The following TNRC6A variants were observed in gnomAD, a reference collection of about 807,000 sequenced individuals.
TNRC6A encodes trinucleotide repeat-containing gene 6A protein.
In TNRC6A, 44 loss-of-function variants were observed where a neutral mutation model predicts 221.2. That is an observed-to-expected ratio of 0.20 (90% confidence interval 0.16 to 0.26). TNRC6A has a LOEUF of 0.26. TNRC6A is among the 10% of genes least tolerant of loss of function. The pLI, the probability that TNRC6A is intolerant of heterozygous loss-of-function variation, is 1.00. For synonymous variants in TNRC6A, 847 were observed against 838.5 expected (o/e 1.01, Z -0.18); for missense variants, 2,199 against 2,404.4 (o/e 0.91, Z 1.79).
intron 2 of TNRC6A, among the ~76,000 whole-genome samples, chr16:24,746,979 C>A (rs1331108863): frequency 6.6e-6 from 1 of 152,158 alleles, no homozygotes; most frequent in Non-Finnish European, 1.5e-5. Context: ...GCCACCATAC[C>A]CGGCCAGAAA....
intron 15 of TNRC6A, 139 bp downstream of exon 15, chr16:24,805,872 G>T (rs141652603): frequency 4.3e-6 from 5 of 1,168,344 alleles, no homozygotes; most frequent in Middle Eastern, 4.5e-4. Flanking sequence ...AGTCTATCGG[G>T]GGAGACAGAT....
intron 2 of TNRC6A, chr16:24,663,443 C>A (rs1596621736): frequency 6.4e-6 from 1 of 155,626 alleles, no homozygotes; most frequent in South Asian, 2.0e-4. Flanking sequence ...GTAATCCCAG[C>A]TCCTTGGGAG....
intron 18 of TNRC6A, among the ~76,000 whole-genome samples, chr16:24,812,182 G>A (rs2058560543): frequency 6.6e-6 from 1 of 151,634 alleles, no homozygotes; most frequent in Non-Finnish European, 1.5e-5. Flanking sequence ...CCTGAGTATA[G>A]CTGGGATTAC....
At chr16:24,818,313 G>C (rs1233143618) in intron 20 of TNRC6A, among the ~76,000 whole-genome samples, 1 of 152,158 alleles carries the variant, frequency 6.6e-6, no homozygotes, top group African/African-American at 2.4e-5. Context: ...TGCTGTCTTG[G>C]TGGCTGGACC....
In TNRC6A at chr16:24,791,366, A is replaced by G. The variant is rs2058096349; in HGVS notation, c.2724A>G (p.Ser908=). The G allele has an allele frequency of 6.3e-7, 1 of 1,592,628 alleles. No homozygotes were observed. Among genetic ancestry groups the G allele is most frequent in the East Asian group, 2.2e-5 (1 of 44,798 alleles). Residue 908 remains serine (S), a synonymous_variant, in exon 6 of 25, where the codon TCA becomes TCG. Coordinates refer to ENST00000395799, the MANE Select transcript of TNRC6A (RefSeq NM_014494.4). ...WGNNINPNNS[S]GWDESSKPTP... ...ACAACATAAATCCAAATAATTCATC[A>G]GGATGGGATGAATCTTCTAAACCTA...
intron 1 of TNRC6A, among the ~76,000 whole-genome samples, chr16:24,634,576 T>A (rs1268406262): frequency 1.3e-5 from 2 of 152,322 alleles, no homozygotes; most frequent in South Asian, 2.1e-4. Flanking sequence ...AGTATTAATA[T>A]ACCACAGGTA....
At chr16:24,620,429 C>T (rs1900607594) in intron 1 of TNRC6A, among the ~76,000 whole-genome samples, 2 of 152,098 alleles carry the variant, frequency 1.3e-5, no homozygotes, top group Admixed American at 1.3e-4. Context: ...TATGGAATGC[C>T]TTATATACCA....
In TNRC6A at chr16:24,822,728, A is replaced by C. The variant is rs984688087; in HGVS notation, c.5374-146A>C. ...GGGGAAGATGGCTCTGCACCCCGTC[A>C]GAGCAACGTCAGAGTGTCAGTGAAG... On this transcript the variant is annotated intron_variant, in intron 23 of 24. Coordinates refer to ENST00000395799, the MANE Select transcript of TNRC6A (RefSeq NM_014494.4). 2.3e-5 allele frequency: 27 copies of C among 1,161,082 alleles called. 1 individual carries two copies. The Admixed American group carries it at 6.2e-4, about 27-fold the overall frequency. The allele number at this position is 1,161,082 out of a possible 1,614,324, so 71.9% of individuals were successfully genotyped here.
chr16:24,635,437 C>A (rs571299086), intron 1 of TNRC6A, among the ~76,000 whole-genome samples: 2 of 152,066 alleles, frequency 1.3e-5, no homozygotes, highest in African/African-American at 4.8e-5. Context: ...AGCCCACCAC[C>A]ACGCCCAGCT....
chr16:24,806,319 G>T (rs777139798), intron 16 of TNRC6A, 36 bp downstream of exon 16: 1 of 1,609,582 alleles, frequency 6.2e-7, no homozygotes, highest in Non-Finnish European at 8.5e-7. Flanking sequence ...TGCTGTCTTT[G>T]TGTTAATAAA....
intron 4 of TNRC6A, among the ~76,000 whole-genome samples, chr16:24,770,175 G>A (rs998570530): frequency 1.3e-5 from 2 of 152,184 alleles, no homozygotes; most frequent in Non-Finnish European, 2.9e-5. Context: ...AAGAAATAGC[G>A]TGAAAGAACG....
intron 5 of TNRC6A, among the ~76,000 whole-genome samples, chr16:24,782,459 A>G (rs1345536889): frequency 1.3e-5 from 2 of 152,224 alleles, no homozygotes; most frequent in African/African-American, 4.8e-5. Flanking sequence ...AGAGTTAAAT[A>G]GTTTTCACAG....
chr16:24,804,462 C>T (rs929612124), intron 12 of TNRC6A, 143 bp downstream of exon 12: 8 of 1,161,018 alleles, frequency 6.9e-6, no homozygotes, highest in African/African-American at 3.2e-5. Flanking sequence ...TTGAAGTTCA[C>T]TGTCTTTTTA....
chr16:24,696,347 CAAAAAAAA>C (rs56696667), intron 2 of TNRC6A, among the ~76,000 whole-genome samples: 5 of 125,624 alleles, frequency 4.0e-5, no homozygotes, highest in African/African-American at 5.9e-5. Context: ...GACTCCATCT[CAAAAAAAA>C]AAAAAAAAAA....
chr16:24,700,281 G>C (rs2055945296), intron 2 of TNRC6A, among the ~76,000 whole-genome samples: 1 of 151,858 alleles, frequency 6.6e-6, no homozygotes, highest in South Asian at 2.1e-4. Context: ...TGTTGCCCAG[G>C]CTGGAGTGCA....
At chr16:24,794,164 T>C (rs2058170905) in intron 7 of TNRC6A, among the ~76,000 whole-genome samples, 1 of 152,224 alleles carries the variant, frequency 6.6e-6, no homozygotes, top group Non-Finnish European at 1.5e-5. Context: ...CTTTGAATAC[T>C]CTCTGGCCAT....
intron 2 of TNRC6A, among the ~76,000 whole-genome samples, chr16:24,677,162 T>C (rs896241414): frequency 4.1e-5 from 6 of 148,048 alleles, no homozygotes; most frequent in Non-Finnish European, 7.6e-5. Flanking sequence ...TCCTTTTTTT[T>C]TCTTTTTTTT....
intron 2 of TNRC6A, among the ~76,000 whole-genome samples, chr16:24,700,159 CTG>C (rs1197501276): frequency 6.6e-6 from 1 of 152,104 alleles, no homozygotes; most frequent in Non-Finnish European, 1.5e-5. Flanking sequence ...CTTTGGGAAA[CTG>C]AGACGGGAGG....
intron 2 of TNRC6A, among the ~76,000 whole-genome samples, chr16:24,679,443 A>G (rs1233678645): frequency 6.6e-6 from 1 of 152,000 alleles, no homozygotes; most frequent in Non-Finnish European, 1.5e-5. Flanking sequence ...AGCTGAGACT[A>G]CAGGCACATA....
Sources: allele counts gnomAD v4.1 joint callset (sites outside exome capture counted in the v4.1 genomes callset), GRCh38; gene constraint gnomAD v4.1.1; transcripts MANE v1.5; gene names NCBI Gene and HGNC (gene_info 2026-07-23, HGNC 2026-07-21).